TRPA1: variants seen among roughly 807,000 people sequenced by gnomAD.
TRPA1 encodes ankyrin-like with transmembrane domains 1.
In TRPA1, 129 loss-of-function variants were observed where a neutral mutation model predicts 131.3. The observed-to-expected ratio is 0.98, with a 90% CI of 0.85 to 1.14. The LOEUF (loss-of-function observed/expected upper bound fraction) is 1.14. Among genes scored for constraint, TRPA1 ranks in the 50% most tolerant of loss-of-function variants. The pLI is 0.00. For missense variants in TRPA1, 1,304 were observed against 1,354.2 expected (o/e 0.96, Z 0.58); for synonymous variants, 441 against 451.7 (o/e 0.98, Z 0.30).
At chr8:72,070,425 A>G (rs1209340443) in intron 2 of TRPA1, among the ~76,000 whole-genome samples, 1 of 152,152 alleles carries the variant, frequency 6.6e-6, no homozygotes, top group East Asian at 1.9e-4. Context: ...TTTGGCGCAA[A>G]ACTTAAACAG....
At chr8:72,058,520 T>C (rs1805729347) in intron 8 of TRPA1, among the ~76,000 whole-genome samples, 1 of 152,150 alleles carries the variant, frequency 6.6e-6, no homozygotes, top group Non-Finnish European at 1.5e-5. Context: ...TATTTCTTTG[T>C]TCTTTTGGGG....
At position 72,021,579 on chromosome 8, in the gene TRPA1, T is replaced by C. The variant is rs1811392892; in HGVS notation, c.*1327A>G. The C allele has an allele frequency of 6.6e-6, 1 of 152,166 alleles. No individual in the cohort carries two copies. The highest frequency in any genetic ancestry group is 2.4e-5 in the African/African-American group (1 of 41,424). 9.4% of individuals were successfully genotyped at this position (152,166 alleles called of 1,614,324 possible). On this transcript the variant is annotated 3_prime_UTR_variant, in exon 27 of 27. Coordinates refer to ENST00000262209, the MANE Select transcript of TRPA1 (RefSeq NM_007332.3). ...AATGTAAAAGTGTCTGGTTTTGTAA[T>C]AGTACATATCGTCCCTCAGCACTCT...
At chr8:72,051,715 A>T (rs1040289365) in intron 14 of TRPA1, among the ~76,000 whole-genome samples, 1 of 152,180 alleles carries the variant, frequency 6.6e-6, no homozygotes, top group Non-Finnish European at 1.5e-5. Context: ...GTGCATAACT[A>T]TCAGTGATTA....
At position 72,033,774 on chromosome 8, in the gene TRPA1, A is replaced by G. The variant is rs1355186822; in HGVS notation, c.2738T>C (p.Leu913Pro). Reference protein sequence around the residue: ...LSIIQTFSMMLGDINYRESFL... With the variant: ...LSIIQTFSMMPGDINYRESFL... ...GGACTCTCGATAATTGATATCTCCT[A>G]GCATCATGCTGAAGGTCTGGATTAT... is the stretch of plus-strand genomic sequence containing the variant. The change falls in exon 23 of 27, where the codon CTA (leucine) becomes CCA (proline). Residue 913 changes from leucine (L) to proline (P), a missense_variant. Leu to Pro is a moderately conservative substitution (Grantham distance 98). Coordinates refer to ENST00000262209, the MANE Select transcript of TRPA1 (RefSeq NM_007332.3). 5 of 1,613,942 alleles carry G rather than the reference A, an allele frequency of 3.1e-6. No individual in the cohort carries two copies. The highest frequency in any genetic ancestry group is 1.3e-5 in the African/African-American group (1 of 74,930).
intron 23 of TRPA1, among the ~76,000 whole-genome samples, chr8:72,031,578 A>T (rs1479300391): frequency 7.1e-6 from 1 of 141,166 alleles, no homozygotes; most frequent in African/African-American, 2.8e-5. Flanking sequence ...ATCCTATCTC[A>T]AAAAAAACAA....
chr8:72,041,182 T>A (rs72659651), intron 17 of TRPA1: 1 of 152,136 alleles, frequency 6.6e-6, no homozygotes, highest in South Asian at 2.1e-4. Context: ...CATAAATATA[T>A]ACCCACCTCA....
intron 12 of TRPA1, chr8:72,054,564 T>A (rs552820837): frequency 6.5e-6 from 1 of 152,728 alleles, no homozygotes; most frequent in Non-Finnish European, 1.5e-5. Context: ...TGTTTTAGGG[T>A]GCAAGAGCCA....
chr8:72,045,452 G>A (rs946810470), intron 17 of TRPA1, among the ~76,000 whole-genome samples: 8 of 151,030 alleles, frequency 5.3e-5, no homozygotes, highest in African/African-American at 1.9e-4. Flanking sequence ...CAAGCCAAAT[G>A]GGCTACTGAG....
intron 13 of TRPA1, chr8:72,053,487 G>A (rs117786400): frequency 9.7e-5 from 47 of 482,748 alleles, no homozygotes; most frequent in Middle Eastern, 5.9e-4. Context: ...GGGAGTAAAC[G>A]CTTTACCATC....
chr8:72,085,265 A>G, the TRPA1 span, among the ~76,000 whole-genome samples: 1 of 152,158 alleles, frequency 6.6e-6, no homozygotes, highest in Non-Finnish European at 1.5e-5. Context: ...AGCATTTTAT[A>G]TAAATTCATT....
At chr8:72,063,006 T>C (rs1805844458) in intron 5 of TRPA1, 62 bp from the exon 6 acceptor site, 2 of 1,480,864 alleles carry the variant, frequency 1.4e-6, no homozygotes, top group Non-Finnish European at 1.8e-6. Context: ...GGAGGTTTTT[T>C]GTTAAAAAAT....
At chr8:72,024,967 C>A (rs1200158825) in intron 25 of TRPA1, among the ~76,000 whole-genome samples, 1 of 152,066 alleles carries the variant, frequency 6.6e-6, no homozygotes, top group African/African-American at 2.4e-5. Flanking sequence ...ATGAAGGGAG[C>A]CCAGGCATAC....
At chr8:72,033,401 G>T (rs1292888847) in intron 23 of TRPA1, among the ~76,000 whole-genome samples, 2 of 152,150 alleles carry the variant, frequency 1.3e-5, no homozygotes, top group African/African-American at 2.4e-5. Context: ...CCTAGAACTT[G>T]TAACAGTTGC....
chr8:72,031,071 G>A (rs957597660), intron 23 of TRPA1, among the ~76,000 whole-genome samples: 5 of 152,192 alleles, frequency 3.3e-5, no homozygotes, highest in African/African-American at 4.8e-5. Flanking sequence ...TGTATGCCCA[G>A]TGCTTAGTAT....
At chr8:72,060,500 C>T (rs1485465362) in intron 7 of TRPA1, 1 of 152,064 alleles carries the variant, frequency 6.6e-6, no homozygotes, top group Non-Finnish European at 1.5e-5. Context: ...TTATTTTTTA[C>T]TGAATTATTT....
chr8:72,030,280 G>A (rs1444872113), intron 23 of TRPA1, among the ~76,000 whole-genome samples: 1 of 152,108 alleles, frequency 6.6e-6, no homozygotes, highest in Admixed American at 6.5e-5. Context: ...TTCCATTCAT[G>A]AGGGCTCTCC....
upstream of TRPA1, among the ~76,000 whole-genome samples, chr8:72,080,526 G>T (rs906866154): frequency 6.6e-6 from 1 of 151,722 alleles, no homozygotes; most frequent in Non-Finnish European, 1.5e-5. Flanking sequence ...ATATTGATCT[G>T]TAGTTGCCTC....
chr8:72,023,929 G>T lies in TRPA1; in HGVS notation c.3052-18C>A. 6.7e-7 allele frequency: 1 copy of T among 1,490,520 alleles called. No homozygotes were observed. Among genetic ancestry groups the T allele is most frequent in the Non-Finnish European group, 9.4e-7 (1 of 1,068,976 alleles). The allele number at this position is 1,490,520 out of a possible 1,614,324, so 92.3% of individuals were successfully genotyped here. A position where few individuals can be genotyped will look rare whatever the true frequency, so the allele number is the denominator to read the frequency against. On this transcript the variant is annotated intron_variant, in intron 25 of 26. Coordinates refer to ENST00000262209, the MANE Select transcript of TRPA1 (RefSeq NM_007332.3). ...AATATATGCTGTCGGATAAAAAATA[G>T]TAGTTACTCAAATTGAATTCAATTC...
At chr8:72,051,359 A>T (rs2129435070) in intron 14 of TRPA1, among the ~76,000 whole-genome samples, 1 of 152,320 alleles carries the variant, frequency 6.6e-6, no homozygotes, top group South Asian at 2.1e-4. Flanking sequence ...AGCCTCTGCC[A>T]GAACATTCCA....
Sources: gnomAD v4.1 joint callset for allele counts (sites outside exome capture counted in the v4.1 genomes callset) on GRCh38, gnomAD v4.1.1 for gene constraint, MANE v1.5 for transcripts, NCBI Gene and HGNC (gene_info 2026-07-23, HGNC 2026-07-21) for gene names.